Variants in NT5C3A observed in about 807,000 individuals in gnomAD.
The protein encoded by NT5C3A is 5'-nucleotidase, cytosolic IIIA, also known as cytosolic 5'-nucleotidase 3A.
NT5C3A carries 23 observed loss-of-function variants against 40.0 expected under a neutral mutation model. That is an observed-to-expected ratio of 0.58 (90% confidence interval 0.41 to 0.81). NT5C3A has a LOEUF of 0.81. Ranked by LOEUF, NT5C3A falls within the 40% of genes least tolerant of loss-of-function variation. The pLI, the probability that NT5C3A is intolerant of heterozygous loss-of-function variation, is 0.00. For missense variants in NT5C3A, 328 were observed against 403.0 expected, an observed-to-expected ratio of 0.81 and a Z score of 1.59; for synonymous variants, 130 against 141.4, an observed-to-expected ratio of 0.92 and a Z score of 0.57.
At chr7:33,024,013 A>C (rs1785777880) in intron 3 of NT5C3A, 26 bp downstream of exon 3, 1 of 1,301,688 alleles carries the variant, frequency 7.7e-7, no homozygotes, top group African/African-American at 1.4e-5. Flanking sequence ...TGCTTTTGTG[A>C]ATTTGTTTAC....
In NT5C3A at chr7:33,039,555, G is replaced by GTT. The variant is rs776873396; in HGVS notation, c.139-12642_139-12641dup. ...TACTATTTGACTTTCTTAAGCTTGGGTTTTTTGTTTTTTTTTTTTTTTAAT... is the reference window on the plus strand; with the variant it reads ...TACTATTTGACTTTCTTAAGCTTGGGTTTTTTTTGTTTTTTTTTTTTTTTAAT... On this transcript the variant is annotated intron_variant, in intron 1 of 8. Coordinates refer to ENST00000610140, the MANE Select transcript of NT5C3A (RefSeq NM_001002010.5). Among the ~76,000 whole-genome samples the GTT allele has an allele frequency of 7.5e-3, 523 of 70,028 alleles. 58 individuals are homozygous for GTT. The highest frequency in any genetic ancestry group is 0.027 in the African/African-American group (452 of 17,052). The allele number at this position is 70,028 out of a possible 152,430, so 45.9% of individuals were successfully genotyped here. A position where few individuals can be genotyped will look rare whatever the true frequency, so the allele number is the denominator to read the frequency against.
chr7:33,062,728 C>A lies in NT5C3A; in HGVS notation c.-23G>T. 3.2e-6 allele frequency: 5 copies of A among 1,552,964 alleles called. No homozygotes were observed. Among genetic ancestry groups the A allele is most frequent in the Non-Finnish European group, 4.4e-6 (5 of 1,148,360 alleles). ...CATGGACGGGGCCCTCATGCGCGTC[C>A]AAGCAGGAAAAAAACAGGCAGCTCG... On this transcript the variant is annotated 5_prime_UTR_variant, in exon 1 of 9. Coordinates refer to ENST00000610140, the MANE Select transcript of NT5C3A (RefSeq NM_001002010.5).
chr7:33,039,555 GTTTTTTGTT>G (rs1057444004), intron 1 of NT5C3A, among the ~76,000 whole-genome samples: 2 of 70,032 alleles, frequency 2.9e-5, no homozygotes, highest in Admixed American at 2.2e-4. Context: ...TTAAGCTTGG[GTTTTTTGTT>G]TTTTTTTTTT....
chr7:33,021,557 A>G (rs1259911226), intron 4 of NT5C3A, among the ~76,000 whole-genome samples, 200 bp from the exon 5 acceptor site: 1 of 152,244 alleles, frequency 6.6e-6, no homozygotes, highest in Non-Finnish European at 1.5e-5. Context: ...TTTCTTTTGT[A>G]AAGTACTTTC....
chr7:33,061,461 T>G lies in NT5C3A; in HGVS notation c.138+1107A>C, dbSNP rs367625014. 3.3e-5 allele frequency among the ~76,000 whole-genome samples: 5 copies of G among 152,222 alleles called. No individual in the cohort carries two copies. The East Asian group carries it at 7.7e-4, about 23-fold the overall frequency. ...GGAGTGCAGTAGCTATCCACAGGTG[T>G]GATTATAACCTTGAACTCCCAGACT... On this transcript the variant is annotated intron_variant, in intron 1 of 8. Transcript: ENST00000610140.
Position 33,021,276 on chromosome 7 carries a change from C to T in NT5C3A, c.436G>A (p.Glu146Lys), listed in dbSNP as rs1280791470. Reference protein sequence around the residue: ...TVEEKYPYMVEWYTKSHGLLV... With the variant: ...TVEEKYPYMVKWYTKSHGLLV... ...TACTGCCTAATATACACTTACCATTCCACCATATAAGGGTACTTCTCTTCT... is the reference window on the plus strand; with the variant it reads ...TACTGCCTAATATACACTTACCATTTCACCATATAAGGGTACTTCTCTTCT... Residue 146 changes from glutamate to lysine, a missense_variant, in exon 5 of 9, where the codon GAA becomes AAA. This residue lies in a region of NT5C3A where 280 missense variants were observed against 317.2 expected (regional missense o/e 0.88). Transcript: ENST00000610140. The T allele has an allele frequency of 6.2e-7, 1 of 1,612,042 alleles. No homozygotes were observed. Among genetic ancestry groups the T allele is most frequent in the Admixed American group, 1.7e-5 (1 of 59,928 alleles).
At position 33,015,807 on chromosome 7, in the gene NT5C3A, T is replaced by A. The variant is rs763056468; in HGVS notation, c.757A>T (p.Arg253Trp). 3 of 1,610,576 alleles carry A rather than the reference T, an allele frequency of 1.9e-6. No individual in the cohort carries two copies. The highest frequency in any genetic ancestry group is 2.7e-5 in the African/African-American group (2 of 74,872). ...AGTTGATTGAAATATTCTGTATTCC[T>A]CAAGGCACCATCATGTTTGTTAAAT... is the stretch of plus-strand genomic sequence containing the variant. ...HVFNKHDGALRNTEYFNQLKD... is the reference protein window; with the variant it reads ...HVFNKHDGALWNTEYFNQLKD... Residue 253 changes from arginine to tryptophan, a missense_variant, in exon 8 of 9, where the codon AGG (arginine) becomes TGG (tryptophan). By Grantham distance (101) the Arg-to-Trp change is moderately radical. Coordinates refer to ENST00000610140, the MANE Select transcript of NT5C3A (RefSeq NM_001002010.5).
intron 5 of NT5C3A, 30 bp from the exon 6 acceptor site, chr7:33,019,754 T>G: frequency 8.5e-7 from 1 of 1,179,390 alleles, no homozygotes; most frequent in East Asian, 2.3e-5. Context: ...GAAAAAAGAC[T>G]ATCAATTAAG....
At chr7:33,030,645 C>A (rs2128001165) in intron 1 of NT5C3A, among the ~76,000 whole-genome samples, 1 of 151,940 alleles carries the variant, frequency 6.6e-6, no homozygotes, top group East Asian at 1.9e-4. Context: ...GAATCAACAC[C>A]AAAAATGATT....
intron 4 of NT5C3A, 22 bp downstream of exon 4, chr7:33,022,031 A>G: frequency 7.3e-7 from 1 of 1,375,752 alleles, no homozygotes; most frequent in Non-Finnish European, 1.0e-6. Flanking sequence ...TTGAGTGACT[A>G]TAGATTGTTG....
intron 7 of NT5C3A, among the ~76,000 whole-genome samples, chr7:33,016,767 T>A (rs769677122): frequency 6.6e-6 from 1 of 152,224 alleles, no homozygotes; most frequent in Non-Finnish European, 1.5e-5. Flanking sequence ...TATGTTATTT[T>A]ATGTATTTCA....
At chr7:33,021,044 TTTTAA>T (rs1277826011) in intron 5 of NT5C3A, among the ~76,000 whole-genome samples, 1 of 152,202 alleles carries the variant, frequency 6.6e-6, no homozygotes, top group Non-Finnish European at 1.5e-5. Flanking sequence ...AATGCAGGAC[TTTTAA>T]TTTATTCCTA....
chr7:33,039,512 T>C (rs1423554001), intron 1 of NT5C3A, among the ~76,000 whole-genome samples: 1 of 151,126 alleles, frequency 6.6e-6, no homozygotes, highest in Non-Finnish European at 1.5e-5. Flanking sequence ...ATTTTTCCTA[T>C]ACTTTTTCAG....
chr7:33,051,356 G>T (rs1411035402), intron 1 of NT5C3A, among the ~76,000 whole-genome samples: 1 of 151,904 alleles, frequency 6.6e-6, no homozygotes, highest in Non-Finnish European at 1.5e-5. Flanking sequence ...TATAGATGGG[G>T]TTTCACCATG....
intron 7 of NT5C3A, among the ~76,000 whole-genome samples, chr7:33,016,582 A>C (rs1231585158): frequency 2.0e-5 from 3 of 147,946 alleles, no homozygotes; most frequent in African/African-American, 7.5e-5. Context: ...GGTAGGGAGA[A>C]TTGCTTGAAC....
At chr7:33,062,504 G>A (rs987683127) in intron 1 of NT5C3A, 64 bp downstream of exon 1, 5 of 1,455,246 alleles carry the variant, frequency 3.4e-6, no homozygotes, top group Admixed American at 1.7e-5. Context: ...ACAGGCTGCC[G>A]AGGCCAGCGG....
At position 33,029,937 on chromosome 7, in the gene NT5C3A, C is replaced by A. The variant is rs562936158; in HGVS notation, c.139-3022G>T. Among the ~76,000 whole-genome samples, 4 of 152,198 alleles carry A rather than the reference C, an allele frequency of 2.6e-5. No individual in the cohort carries two copies. In the South Asian group the frequency reaches 8.3e-4, roughly 32 times the overall value. ...GCTAAAGGCATTGGTGGCTCCTGTG[C>A]AACATACAACCATTCATTTTCATTG... On this transcript the variant is annotated intron_variant, in intron 1 of 8. Transcript: ENST00000610140.
chr7:33,036,795 ATTTTTATTTTTTTAT>A (rs1786630066), intron 1 of NT5C3A, among the ~76,000 whole-genome samples: 1 of 151,822 alleles, frequency 6.6e-6, no homozygotes, highest in Non-Finnish European at 1.5e-5. Flanking sequence ...TTAAAATTTT[ATTTTTATTTTTTTAT>A]TTTTTATTTT....
At chr7:33,041,149 T>C in intron 1 of NT5C3A, 1 of 985,020 alleles carries the variant, frequency 1.0e-6, no homozygotes, top group Non-Finnish European at 1.2e-6. Context: ...AACTGGCAAC[T>C]GGCTCTGGAA....
Sources: allele counts gnomAD v4.1 joint callset (sites outside exome capture counted in the v4.1 genomes callset), GRCh38; gene constraint gnomAD v4.1.1; regional missense constraint gnomAD v4.1.1; transcripts MANE v1.5; gene names NCBI Gene and HGNC (gene_info 2026-07-23, HGNC 2026-07-21).